Variants in NCKAP5L observed in about 807,000 individuals in gnomAD.
The protein encoded by NCKAP5L is NCK associated protein 5 like.
A neutral mutation model predicts 103.2 loss-of-function variants in NCKAP5L; 54 were observed. The ratio of observed to expected loss-of-function variants is 0.52; its 90% CI spans 0.42 to 0.66. The LOEUF (loss-of-function observed/expected upper bound fraction) is 0.66, where lower values mean the gene tolerates loss of function less well. NCKAP5L is among the 30% of genes least tolerant of loss of function. NCKAP5L has a pLI of 0.00. For missense variants in NCKAP5L, 1,733 were observed against 1,750.6 expected (o/e 0.99, Z 0.18); for synonymous variants, 762 against 748.6 (o/e 1.02, Z -0.29).
chr12:49,816,356 G>A (rs1331238370), intron 1 of NCKAP5L, among the ~76,000 whole-genome samples: 1 of 152,002 alleles, frequency 6.6e-6, no homozygotes, highest in Non-Finnish European at 1.5e-5. Flanking sequence ...GAACATACAT[G>A]GGCTCATCAG....
chr12:49,792,145 A>G lies in NCKAP5L; in HGVS notation c.3793-94T>C. The G allele has an allele frequency of 8.3e-7, 1 of 1,211,314 alleles. No homozygotes were observed. Among genetic ancestry groups the G allele is most frequent in the South Asian group, 1.5e-5 (1 of 67,648 alleles). The allele number at this position is 1,211,314 out of a possible 1,614,324, so 75.0% of individuals were successfully genotyped here. A position where few individuals can be genotyped will look rare whatever the true frequency, so the allele number is the denominator to read the frequency against. On this transcript the variant is annotated intron_variant, in intron 12 of 12. Coordinates refer to ENST00000335999, the MANE Select transcript of NCKAP5L (RefSeq NM_001037806.4). This position sits in a 1 kb window ranked among gnomAD's most constrained non-coding sequence, Gnocchi z 4.5. Reference sequence around the variant, plus strand: ...GCTCTGAGGGGCGTCTGTGCACCTGATGGGGGGCTGCTCCAGAGGGGGCCC... The same window carrying G: ...GCTCTGAGGGGCGTCTGTGCACCTGGTGGGGGGCTGCTCCAGAGGGGGCCC...
chr12:49,803,155 G>A lies in NCKAP5L; in HGVS notation c.134C>T (p.Ser45Leu), dbSNP rs200412489. The part of the protein sequence containing the change: ...HRLRELEAEN[S>L]ALAQANENQR... ...GTTTTCGTTGGCCTGGGCAAGTGCCGAGTTCTCTGCCTGCAGGAGTGAGGG... is the reference window on the plus strand; with the variant it reads ...GTTTTCGTTGGCCTGGGCAAGTGCCAAGTTCTCTGCCTGCAGGAGTGAGGG... Residue 45 changes from serine to leucine, a missense_variant, in exon 4 of 13, where the codon TCG becomes TTG. Transcript: ENST00000335999. The A allele has an allele frequency of 9.7e-5, 157 of 1,614,106 alleles. No homozygotes were observed. Among genetic ancestry groups the A allele is most frequent in the Non-Finnish European group, 1.1e-4 (135 of 1,180,046 alleles).
intron 1 of NCKAP5L, among the ~76,000 whole-genome samples, chr12:49,824,090 GAAGA>G (rs1946389803): frequency 6.6e-6 from 1 of 152,238 alleles, no homozygotes; most frequent in Non-Finnish European, 1.5e-5. Context: ...GGGAGAAGGT[GAAGA>G]AAGACCCAGA....
rs536735827 is a variant in NCKAP5L at position 49,792,167 on chromosome 12, G to A, written c.3793-116C>T. ...CTGATGGGGGGCTGCTCCAGAGGGG[G>A]CCCAAGGTGGGGTATACTTCAGAGG... On this transcript the variant is annotated intron_variant, in intron 12 of 12. Coordinates refer to ENST00000335999, the MANE Select transcript of NCKAP5L (RefSeq NM_001037806.4). This position sits in a 1 kb window ranked among gnomAD's most constrained non-coding sequence, Gnocchi z 4.5. The A allele has an allele frequency of 1.4e-5, 15 of 1,079,020 alleles. No individual in the cohort carries two copies. In the South Asian group the frequency reaches 2.0e-4, roughly 14 times the overall value. The allele number at this position is 1,079,020 out of a possible 1,614,324, so 66.8% of individuals were successfully genotyped here.
At chr12:49,819,559 G>A (rs1007590575) in intron 1 of NCKAP5L, among the ~76,000 whole-genome samples, 40 of 152,294 alleles carry the variant, frequency 2.6e-4, no homozygotes, top group Middle Eastern at 3.4e-3. Flanking sequence ...ATTATGTTAC[G>A]TGAAATAAGC....
chr12:49,793,656 G>A lies in NCKAP5L; in HGVS notation c.3258+78C>T, dbSNP rs1477733249. 3.4e-6 allele frequency: 5 copies of A among 1,453,410 alleles called. No individual in the cohort carries two copies. The African/African-American group carries it at 5.7e-5, about 17-fold the overall frequency. The allele number at this position is 1,453,410 out of a possible 1,614,324, so 90.0% of individuals were successfully genotyped here. A position where few individuals can be genotyped will look rare whatever the true frequency, so the allele number is the denominator to read the frequency against. On this transcript the variant is annotated intron_variant, in intron 9 of 12. Transcript: ENST00000335999. Reference sequence around the variant, plus strand: ...CCGGCACTCATGGTCTTGGGGAAGGGGAACCCTCTAGGGGGTAAGAGACCT... The same window carrying A: ...CCGGCACTCATGGTCTTGGGGAAGGAGAACCCTCTAGGGGGTAAGAGACCT...
chr12:49,798,924 T>C (rs1946089430), intron 6 of NCKAP5L, among the ~76,000 whole-genome samples: 1 of 152,156 alleles, frequency 6.6e-6, no homozygotes, highest in African/African-American at 2.4e-5. Context: ...TTATAATATT[T>C]CTGTCTCCCC....
At chr12:49,826,000 T>TG (rs922333730) in intron 1 of NCKAP5L, among the ~76,000 whole-genome samples, 3 of 151,238 alleles carry the variant, frequency 2.0e-5, no homozygotes, top group African/African-American at 7.3e-5. Context: ...CTGGGAAAGG[T>TG]GGGGTGGGGG....
intron 5 of NCKAP5L, chr12:49,802,724 A>G (rs1478503798): frequency 1.7e-6 from 1 of 573,536 alleles, no homozygotes; most frequent in Non-Finnish European, 3.1e-6. Context: ...TGGAAAAGCC[A>G]GCTGGGGACA....
intron 1 of NCKAP5L, among the ~76,000 whole-genome samples, chr12:49,821,256 C>T (rs1456015871): frequency 6.6e-6 from 1 of 152,170 alleles, no homozygotes; most frequent in African/African-American, 2.4e-5. Flanking sequence ...AACCCCCATC[C>T]CCACCCCCCA....
At chr12:49,801,442 G>A (rs1946116861) in intron 6 of NCKAP5L, among the ~76,000 whole-genome samples, 1 of 152,154 alleles carries the variant, frequency 6.6e-6, no homozygotes, top group African/African-American at 2.4e-5. Flanking sequence ...ACAGTTATCA[G>A]AACCGAAATG....
Position 49,795,727 on chromosome 12 carries a change from G to A in NCKAP5L, c.2133C>T (p.Ser711=), listed in dbSNP as rs771669732. 3.7e-6 allele frequency: 6 copies of A among 1,606,902 alleles called. No homozygotes were observed. In the South Asian group the frequency reaches 5.6e-5, roughly 15 times the overall value. The change falls in exon 8 of 13, where the codon TCC becomes TCT. Residue 711 remains serine, a synonymous_variant. Transcript: ENST00000335999. ...CTAGCTGCTCCAGTGGCCTGTGGATGGAGGGCACCATGTCTCCAGCACTCT... is the reference window on the plus strand; with the variant it reads ...CTAGCTGCTCCAGTGGCCTGTGGATAGAGGGCACCATGTCTCCAGCACTCT... The part of the protein sequence containing the change: ...SGESAGDMVP[S]IHRPLEQLEA...
chr12:49,793,396 G>A lies in NCKAP5L; in HGVS notation c.3296C>T (p.Ser1099Leu), dbSNP rs773815992. Residue 1099 changes from serine to leucine, a missense_variant, in exon 10 of 13, where the codon TCG becomes TTG. Ser to Leu is a moderately radical substitution (Grantham distance 145). Coordinates refer to ENST00000335999, the MANE Select transcript of NCKAP5L (RefSeq NM_001037806.4). Reference protein sequence around the residue: ...SEPGRREEMPSEDSLAEPVPT... With the variant: ...SEPGRREEMPLEDSLAEPVPT... The stretch of plus-strand genomic sequence containing the variant: ...CACTGGCTCGGCCAGGCTGTCCTCC[G>A]AGGGCATCTCTTCCCGCCTCCCTGG... 2.5e-6 allele frequency: 4 copies of A among 1,608,802 alleles called. No individual in the cohort carries two copies. The highest frequency in any genetic ancestry group is 2.2e-5 in the East Asian group (1 of 44,898).
chr12:49,796,177 G>C lies in NCKAP5L; in HGVS notation c.1683C>G (p.Asp561Glu). The change falls in exon 8 of 13, where the codon GAC becomes GAG. Residue 561 changes from aspartate to glutamate, a missense_variant. By Grantham distance (45) the Asp-to-Glu change is conservative. Transcript: ENST00000335999. Reference sequence around the variant, plus strand: ...GCCCCCTAAAGGTGCTCCGAGAAAGGTCCAGAATGTTCTCATAGCAGGGAG... The same window carrying C: ...GCCCCCTAAAGGTGCTCCGAGAAAGCTCCAGAATGTTCTCATAGCAGGGAG... ...VVSPCYENIL[D>E]LSRSTFRGPS... is the part of the protein sequence containing the mutation. The C allele has an allele frequency of 6.2e-7, 1 of 1,608,304 alleles. No homozygotes were observed.
intron 10 of NCKAP5L, 105 bp downstream of exon 10, chr12:49,793,247 G>A: frequency 8.5e-7 from 1 of 1,174,190 alleles, no homozygotes. Flanking sequence ...CACCAAGATG[G>A]CACACAGAGC....
chr12:49,796,325 G>A lies in NCKAP5L; in HGVS notation c.1535C>T (p.Ser512Phe). 4 of 1,544,688 alleles carry A rather than the reference G, an allele frequency of 2.6e-6. No homozygotes were observed. The highest frequency in any genetic ancestry group is 3.5e-6 in the Non-Finnish European group (4 of 1,145,666). The stretch of plus-strand genomic sequence containing the variant: ...GGGCAGGCCTTGCGCCCCCTCTGGG[G>A]ACAGCTCTCCTCCACCCAGACCCCT... The part of the protein sequence containing the change: ...ARRGLGGGEL[S>F]PEGAQGLPTS... The change falls in exon 8 of 13, where the codon TCC (serine) becomes TTC (phenylalanine). Residue 512 changes from serine to phenylalanine, a missense_variant. Ser to Phe is a radical substitution (Grantham distance 155). Transcript: ENST00000335999.
Position 49,792,841 on chromosome 12 carries a change from C to T in NCKAP5L, c.3486G>A (p.Arg1162=). The change falls in exon 11 of 13, where the codon CGG becomes CGA. Residue 1162 remains arginine (R), a synonymous_variant. Transcript: ENST00000335999. The surrounding 1 kb of genome is among the most constrained non-coding windows in gnomAD (Gnocchi z 4.5). ...GGGGGACTTTGGTAAGGGGTGGGGG[C>T]CGAGCTGGGGGTACCCCAGGTGGGG... The part of the protein sequence containing the change: ...LDPPPGVPPA[R]PPPLTKVPRR... 6.4e-7 allele frequency: 1 copy of T among 1,566,150 alleles called. No homozygotes were observed. Among genetic ancestry groups the T allele is most frequent in the Non-Finnish European group, 8.6e-7 (1 of 1,160,948 alleles).
intron 1 of NCKAP5L, among the ~76,000 whole-genome samples, chr12:49,807,809 G>A (rs1341722755): frequency 3.9e-5 from 6 of 152,132 alleles, no homozygotes; most frequent in African/African-American, 1.4e-4. Flanking sequence ...GGTCCCCAGC[G>A]TGTCCCTCAA....
At chr12:49,822,930 T>C (rs1946376828) in intron 1 of NCKAP5L, among the ~76,000 whole-genome samples, 1 of 152,204 alleles carries the variant, frequency 6.6e-6, no homozygotes, top group Non-Finnish European at 1.5e-5. Context: ...CTCAACAAGT[T>C]GATTTCCAAA....
Sources: gnomAD v4.1 joint callset for allele counts (sites outside exome capture counted in the v4.1 genomes callset) on GRCh38, gnomAD v4.1.1 for gene constraint, Gnocchi (gnomAD v3.1) non-coding constraint, MANE v1.5 for transcripts, NCBI Gene and HGNC (gene_info 2026-07-23, HGNC 2026-07-21) for gene names.